MCPH1: variants seen among roughly 807,000 people sequenced by gnomAD.
The protein encoded by MCPH1 is microcephalin 1, also known as microcephalin.
In MCPH1, 104 loss-of-function variants were observed where a neutral mutation model predicts 84.5. The observed-to-expected ratio is 1.23, with a 90% CI of 1.05 to 1.45. The LOEUF is 1.45. Ranked by LOEUF, MCPH1 falls within the 40% of genes most tolerant of loss-of-function variation. MCPH1 has a pLI of 0.00. For missense variants in MCPH1, 1,498 were observed against 1,005.7 expected, an observed-to-expected ratio of 1.49 and a Z score of -6.62; for synonymous variants, 514 against 366.8, an observed-to-expected ratio of 1.40 and a Z score of -4.58.
intron 12 of MCPH1, chr8:6,503,046 T>C: frequency 5.0e-6 from 8 of 1,602,920 alleles, no homozygotes; most frequent in Non-Finnish European, 6.8e-6. Context: ...TTCAGTGCAC[T>C]GGGCTTAAGT....
chr8:6,532,427 C>A (rs748039365), intron 12 of MCPH1: 1 of 1,614,012 alleles, frequency 6.2e-7, no homozygotes, highest in African/African-American at 1.3e-5. Context: ...TGGTTCTGTA[C>A]TGCATTCTGC....
chr8:6,414,526 ACT>A (rs897000724), intron 2 of MCPH1, among the ~76,000 whole-genome samples: 8 of 151,986 alleles, frequency 5.3e-5, no homozygotes, highest in Non-Finnish European at 1.5e-5. Flanking sequence ...CAGGGCTCCA[ACT>A]CTATTCTTTC....
chr8:6,424,989 A>G (rs1270443837), intron 3 of MCPH1, among the ~76,000 whole-genome samples: 1 of 152,248 alleles, frequency 6.6e-6, no homozygotes, highest in East Asian at 1.9e-4. Flanking sequence ...GACTGGGCCT[A>G]GAGAATAAGA....
intron 12 of MCPH1, among the ~76,000 whole-genome samples, chr8:6,551,123 C>G (rs1333861015): frequency 3.3e-5 from 5 of 152,170 alleles, no homozygotes; most frequent in Admixed American, 6.5e-5. Flanking sequence ...GCCCCTGACT[C>G]GAAGCTGACC....
chr8:6,462,839 A>G (rs73518718), intron 9 of MCPH1, among the ~76,000 whole-genome samples: 1,719 of 152,348 alleles, frequency 0.011, 37 homozygotes, highest in African/African-American at 0.04. Context: ...TGCTCAAAAA[A>G]TGTTAGCTAT....
At chr8:6,544,846 G>A (rs13250248) in intron 12 of MCPH1, among the ~76,000 whole-genome samples, 31,141 of 152,078 alleles carry the variant, frequency 0.2, 3,346 homozygotes, top group Non-Finnish European at 0.22. Flanking sequence ...CTCGAAATAT[G>A]TTTTGAGGCC....
At chr8:6,544,616 C>T (rs1822209837) in intron 12 of MCPH1, among the ~76,000 whole-genome samples, 1 of 152,114 alleles carries the variant, frequency 6.6e-6, no homozygotes, top group Non-Finnish European at 1.5e-5. Context: ...TAAGAACCGA[C>T]ATGCACAACT....
chr8:6,624,479 C>G (rs1831851884), intron 13 of MCPH1, among the ~76,000 whole-genome samples: 1 of 152,170 alleles, frequency 6.6e-6, no homozygotes, highest in Non-Finnish European at 1.5e-5. Flanking sequence ...TGTACCAGGC[C>G]TCTCCAGCCC....
chr8:6,639,666 A>T (rs1193039344), intron 13 of MCPH1, among the ~76,000 whole-genome samples: 14 of 129,248 alleles, frequency 1.1e-4, no homozygotes, highest in East Asian at 2.7e-4. Flanking sequence ...CTGTCTCTTT[A>T]AAAAAAAAAA....
chr8:6,507,338 G>T (rs1030827293), intron 12 of MCPH1, among the ~76,000 whole-genome samples: 1 of 152,164 alleles, frequency 6.6e-6, no homozygotes, highest in African/African-American at 2.4e-5. Flanking sequence ...AATTTTTGCA[G>T]ATATGATTTA....
At chr8:6,633,129 T>C (rs900501803) in intron 13 of MCPH1, among the ~76,000 whole-genome samples, 17 of 152,136 alleles carry the variant, frequency 1.1e-4, no homozygotes, top group African/African-American at 4.1e-4. Flanking sequence ...AAACCTTAGT[T>C]TAAGGCTTAA....
At chr8:6,427,527 A>C (rs969123400) in intron 3 of MCPH1, among the ~76,000 whole-genome samples, 6 of 152,180 alleles carry the variant, frequency 3.9e-5, no homozygotes, top group Non-Finnish European at 8.8e-5. Flanking sequence ...GTGTGCCACT[A>C]TGCCTGGGTA....
intron 9 of MCPH1, among the ~76,000 whole-genome samples, chr8:6,455,535 C>T (rs954581546): frequency 2.6e-5 from 4 of 152,114 alleles, no homozygotes; most frequent in South Asian, 2.1e-4. Flanking sequence ...TTGGTTGTGC[C>T]AGTGTTTCTT....
chr8:6,560,721 T>G (rs1287656721), intron 12 of MCPH1, among the ~76,000 whole-genome samples: 2 of 152,170 alleles, frequency 1.3e-5, no homozygotes, highest in Non-Finnish European at 2.9e-5. Context: ...AGGAAGAAAT[T>G]TTGGTCGCCT....
chr8:6,456,554 G>T (rs955564640), intron 9 of MCPH1, among the ~76,000 whole-genome samples: 1 of 152,016 alleles, frequency 6.6e-6, no homozygotes, highest in African/African-American at 2.4e-5. Context: ...GCTCTGTTCT[G>T]TGCCCTCCCG....
At chr8:6,630,303 A>G (rs950067049) in intron 13 of MCPH1, among the ~76,000 whole-genome samples, 6 of 152,198 alleles carry the variant, frequency 3.9e-5, no homozygotes, top group African/African-American at 1.4e-4. Flanking sequence ...TAAGAATGAA[A>G]TTGGAGCTGT....
At chr8:6,623,430 G>A (rs1321415874) in intron 13 of MCPH1, among the ~76,000 whole-genome samples, 1 of 150,690 alleles carries the variant, frequency 6.6e-6, no homozygotes, top group East Asian at 2.0e-4. Context: ...TTCCTATTCA[G>A]TCTCCTTTCT....
At chr8:6,515,193 C>A (rs573919495) in intron 12 of MCPH1, among the ~76,000 whole-genome samples, 29 of 145,038 alleles carry the variant, frequency 2.0e-4, no homozygotes, top group Non-Finnish European at 3.2e-4. Context: ...AGCCTTGAAA[C>A]CTTTCACTAA....
chr8:6,622,607 C>T (rs538900212), intron 13 of MCPH1, among the ~76,000 whole-genome samples: 5 of 152,284 alleles, frequency 3.3e-5, no homozygotes, highest in South Asian at 4.1e-4. Flanking sequence ...TCAAACAACA[C>T]GCATTGTCTC....
Sources: allele counts gnomAD v4.1 joint callset (sites outside exome capture counted in the v4.1 genomes callset), GRCh38; gene constraint gnomAD v4.1.1; transcripts MANE v1.5; gene names NCBI Gene and HGNC (gene_info 2026-07-23, HGNC 2026-07-21).